Variants in LRMDA observed in about 807,000 individuals in gnomAD.
The protein encoded by LRMDA is leucine-rich melanocyte differentiation-associated protein.
Under a neutral mutation model 29.8 loss-of-function variants are expected in LRMDA, and 18 were observed. That is an observed-to-expected ratio of 0.60 (90% CI 0.42 to 0.90). LRMDA has a LOEUF of 0.90. Among genes scored for constraint, LRMDA ranks in the 40% least tolerant of loss-of-function variants. The pLI is 0.00. For synonymous variants in LRMDA, 125 were observed against 109.4 expected, an observed-to-expected ratio of 1.14 and a Z score of -0.89; for missense variants, 273 against 273.9, an observed-to-expected ratio of 1.00 and a Z score of 0.02.
intron 2 of LRMDA, among the ~76,000 whole-genome samples, chr10:75,763,306 G>A (rs975526044): frequency 6.6e-6 from 1 of 151,940 alleles, no homozygotes; most frequent in Admixed American, 6.6e-5. Flanking sequence ...TATAAATGTA[G>A]GTAAAGATAG....
rs111656872 is a variant in LRMDA, at chr10:75,665,013, C to A, written c.131+226519C>A. On this transcript the variant is annotated intron_variant, in intron 2 of 6. Transcript: ENST00000611255. The stretch of plus-strand genomic sequence containing the variant: ...CTCAGAAGAGGTTCAGTGACTTTCC[C>A]TGGCCCATCCAACTACTACTTACTG... Among the ~76,000 whole-genome samples, 204 of 152,266 alleles carry A rather than the reference C, an allele frequency of 1.3e-3. No homozygotes were observed. In the Middle Eastern group the frequency reaches 0.058, roughly 43 times the overall value.
chr10:76,024,861 C>T (rs1020123202), intron 2 of LRMDA, among the ~76,000 whole-genome samples: 19 of 152,216 alleles, frequency 1.2e-4, no homozygotes, highest in Admixed American at 3.9e-4. Flanking sequence ...GCAAACAGTT[C>T]ATGAGGTTGA....
intron 5 of LRMDA, among the ~76,000 whole-genome samples, chr10:76,176,663 G>A (rs750490804): frequency 8.5e-5 from 13 of 152,148 alleles, no homozygotes; most frequent in Non-Finnish European, 1.9e-4. Flanking sequence ...TGTGGTGGCA[G>A]GCACCTGTAA....
At chr10:76,129,962 G>A (rs1447683814) in intron 5 of LRMDA, among the ~76,000 whole-genome samples, 4 of 152,052 alleles carry the variant, frequency 2.6e-5, no homozygotes, top group Admixed American at 2.0e-4. Context: ...TATGTAAAAT[G>A]GGGTAATAAC....
rs1042593541 is a variant in LRMDA at position 75,527,742 on chromosome 10, TATAA to T, written c.131+89253_131+89256del. ...TAATATAATTATATAATAATTATAA[TATAA>T]ATAATATATAATATATAATTATAAA... On this transcript the variant is annotated intron_variant, in intron 2 of 6. Transcript: ENST00000611255. Among the ~76,000 whole-genome samples, 40 of 145,538 alleles carry T rather than the reference TATAA, an allele frequency of 2.7e-4. No homozygotes were observed. The South Asian group carries it at 4.8e-3, about 18-fold the overall frequency.
At chr10:76,488,025 AT>A (rs142565716) in intron 6 of LRMDA, among the ~76,000 whole-genome samples, 1,860 of 151,890 alleles carry the variant, frequency 0.012, 36 homozygotes, top group African/African-American at 0.042. Flanking sequence ...TTTAGTTCTC[AT>A]TTTTTTAAGT....
chr10:76,277,697 A>T (rs906831364), intron 5 of LRMDA, among the ~76,000 whole-genome samples: 2 of 152,108 alleles, frequency 1.3e-5, no homozygotes, highest in Non-Finnish European at 2.9e-5. Context: ...CTTCTTAATT[A>T]TCTTCCCACC....
intron 2 of LRMDA, among the ~76,000 whole-genome samples, chr10:75,608,110 G>GA (rs1840979758): frequency 3.9e-5 from 4 of 101,332 alleles, no homozygotes; most frequent in Admixed American, 1.2e-4. Flanking sequence ...TGTAGTGTGT[G>GA]TATATATATA....
In LRMDA at chr10:76,441,724, T is replaced by C. The variant is rs145503828; in HGVS notation, c.602-115485T>C. ...CCTCTCCTCTCCCCAGCTGTGTACC[T>C]CCTCTTGTTCTTCTTTCAAAGACTC... is the stretch of plus-strand genomic sequence containing the variant. On this transcript the variant is annotated intron_variant, in intron 6 of 6. Transcript: ENST00000611255. 1.5e-4 allele frequency among the ~76,000 whole-genome samples: 23 copies of C among 152,260 alleles called. No homozygotes were observed. In the East Asian group the frequency reaches 4.2e-3, roughly 28 times the overall value.
intron 6 of LRMDA, among the ~76,000 whole-genome samples, chr10:76,375,254 T>C (rs565526526): frequency 2.8e-4 from 43 of 152,178 alleles, no homozygotes; most frequent in Non-Finnish European, 5.1e-4. Flanking sequence ...ATGTTATGTG[T>C]AGGATGTGAC....
intron 5 of LRMDA, among the ~76,000 whole-genome samples, chr10:76,135,029 G>T (rs1481261784): frequency 6.6e-6 from 1 of 152,166 alleles, no homozygotes; most frequent in African/African-American, 2.4e-5. Context: ...AGTTTAGTTG[G>T]TATTGTTAGA....
rs185808134 is a variant in LRMDA, at chr10:75,455,865, C to T, written c.131+17371C>T. Among the ~76,000 whole-genome samples, 222 of 152,256 alleles carry T rather than the reference C, an allele frequency of 1.5e-3. 2 individuals carry two copies. The highest frequency in any genetic ancestry group is 5.3e-3 in the African/African-American group (221 of 41,564). On this transcript the variant is annotated intron_variant, in intron 2 of 6. Transcript: ENST00000611255. ...GATTTTCCATGCTGCCTTAAGACTTCGGAGCCTGTACAACATCAGGGCTTT... is the reference window on the plus strand; with the variant it reads ...GATTTTCCATGCTGCCTTAAGACTTTGGAGCCTGTACAACATCAGGGCTTT...
chr10:76,211,685 T>A (rs1851636786), intron 5 of LRMDA, among the ~76,000 whole-genome samples: 3 of 152,172 alleles, frequency 2.0e-5, no homozygotes, highest in Non-Finnish European at 4.4e-5. Flanking sequence ...TTGTTGGGAG[T>A]GTCTTTTTAA....
chr10:76,054,805 T>C (rs1254452401), intron 4 of LRMDA, among the ~76,000 whole-genome samples: 8 of 150,836 alleles, frequency 5.3e-5, no homozygotes, highest in Non-Finnish European at 1.0e-4. Context: ...GAAAAGATAT[T>C]TGGTGGTGGT....
intron 2 of LRMDA, among the ~76,000 whole-genome samples, chr10:75,879,334 C>G (rs967930093): frequency 1.3e-5 from 2 of 152,168 alleles, no homozygotes; most frequent in South Asian, 2.1e-4. Flanking sequence ...GTACCTTTGC[C>G]CTTAGAAACT....
At chr10:76,330,100 G>A (rs1328904887) in intron 6 of LRMDA, among the ~76,000 whole-genome samples, 3 of 152,182 alleles carry the variant, frequency 2.0e-5, no homozygotes, top group Non-Finnish European at 4.4e-5. Flanking sequence ...GTTACTTGAT[G>A]ACTAAACTAT....
chr10:75,856,623 A>C (rs1445973630), intron 2 of LRMDA, among the ~76,000 whole-genome samples: 1 of 152,232 alleles, frequency 6.6e-6, no homozygotes, highest in Non-Finnish European at 1.5e-5. Context: ...CTTTGACAAA[A>C]TTCAACAATG....
At chr10:76,079,837 G>T (rs1462750265) in intron 5 of LRMDA, among the ~76,000 whole-genome samples, 2 of 152,128 alleles carry the variant, frequency 1.3e-5, no homozygotes, top group African/African-American at 4.8e-5. Flanking sequence ...AGGAGTAAGG[G>T]AAGAGACCTG....
chr10:75,511,568 G>A (rs949208505), intron 2 of LRMDA, among the ~76,000 whole-genome samples: 2 of 152,154 alleles, frequency 1.3e-5, no homozygotes, highest in East Asian at 1.9e-4. Context: ...CTTGGGAAAG[G>A]CTTTGGCATT....
Sources: gnomAD v4.1 joint callset for allele counts (sites outside exome capture counted in the v4.1 genomes callset) on GRCh38, gnomAD v4.1.1 for gene constraint, MANE v1.5 for transcripts, NCBI Gene and HGNC (gene_info 2026-07-23, HGNC 2026-07-21) for gene names.